The following PRKG1 variants were observed in gnomAD, a reference collection of about 807,000 sequenced individuals.
PRKG1 encodes the protein protein kinase cGMP-dependent 1.
A neutral mutation model predicts 88.1 loss-of-function variants in PRKG1; 35 were observed. That is an observed-to-expected ratio of 0.40 (90% CI 0.30 to 0.53). PRKG1 has a LOEUF of 0.53. Among genes scored for constraint, PRKG1 ranks in the 20% least tolerant of loss-of-function variants. The probability of loss-of-function intolerance (pLI) is 0.59; values close to 1 mark genes in which losing one functional copy is unlikely to be tolerated. For synonymous variants in PRKG1, 303 were observed against 292.5 expected (o/e 1.04, Z -0.37); for missense variants, 540 against 839.8 (o/e 0.64, Z 4.41).
chr10:51,359,785 A>G (rs536050705), intron 2 of PRKG1, among the ~76,000 whole-genome samples: 6 of 152,040 alleles, frequency 3.9e-5, no homozygotes, highest in Non-Finnish European at 2.9e-5. Context: ...GGAGGAATGA[A>G]TACACCAAAA....
intron 1 of PRKG1, among the ~76,000 whole-genome samples, chr10:51,099,413 T>A (rs201272000): frequency 2.0e-3 from 68 of 34,206 alleles, no homozygotes; most frequent in East Asian, 5.6e-3. Context: ...ACACACACAC[T>A]CACTCACTCA....
At chr10:52,187,342 C>A (rs1016844368) in intron 9 of PRKG1, among the ~76,000 whole-genome samples, 4 of 151,876 alleles carry the variant, frequency 2.6e-5, no homozygotes, top group Non-Finnish European at 5.9e-5. Flanking sequence ...TTTCATATAA[C>A]CCCTGAGTTA....
intron 1 of PRKG1, among the ~76,000 whole-genome samples, chr10:51,000,795 T>G (rs1217918716): frequency 6.6e-6 from 1 of 152,114 alleles, no homozygotes; most frequent in African/African-American, 2.4e-5. Context: ...GTAATGTCAA[T>G]AAGGGTACAC....
At chr10:51,262,136 T>A (rs1839727383) in intron 2 of PRKG1, among the ~76,000 whole-genome samples, 1 of 152,196 alleles carries the variant, frequency 6.6e-6, no homozygotes, top group South Asian at 2.1e-4. Flanking sequence ...TCCGCCCGCC[T>A]CGGCCTCCCA....
chr10:51,602,732 A>G (rs867279011), intron 3 of PRKG1, among the ~76,000 whole-genome samples: 1,401 of 128,894 alleles, frequency 0.011, 31 homozygotes, highest in African/African-American at 0.041. Flanking sequence ...ATTAATATAT[A>G]TGTGTGTGTG....
intron 7 of PRKG1, among the ~76,000 whole-genome samples, chr10:52,103,193 G>A (rs1847336574): frequency 6.6e-6 from 1 of 152,118 alleles, no homozygotes; most frequent in Admixed American, 6.6e-5. Context: ...ACCCATTCAT[G>A]GAAAAATTGT....
chr10:51,827,647 A>G (rs1000354697), intron 4 of PRKG1, among the ~76,000 whole-genome samples: 2 of 152,142 alleles, frequency 1.3e-5, no homozygotes, highest in Non-Finnish European at 2.9e-5. Context: ...AAAAAGATAC[A>G]TCATGATGAT....
chr10:51,465,054 A>G (rs1264605400), intron 2 of PRKG1, among the ~76,000 whole-genome samples: 1 of 152,182 alleles, frequency 6.6e-6, no homozygotes, highest in Non-Finnish European at 1.5e-5. Flanking sequence ...GTAAATTGAA[A>G]CCCATCAGTG....
chr10:51,008,590 A>G (rs1350255984), intron 1 of PRKG1, among the ~76,000 whole-genome samples: 2 of 152,116 alleles, frequency 1.3e-5, no homozygotes, highest in African/African-American at 4.8e-5. Flanking sequence ...CTCTGTGAGT[A>G]TGTGTGTCTA....
rs1250500955 is a variant in PRKG1, at chr10:52,293,963, C to A, written c.*63C>A. On this transcript the variant is annotated 3_prime_UTR_variant, in exon 18 of 18. Transcript: ENST00000373980. ...GCTTTTTCTGAGACACAGCTGCCAG[C>A]AAACCTGAGGGAAAGAGAGAAGATT... is the stretch of plus-strand genomic sequence containing the variant. 1.5e-6 allele frequency: 2 copies of A among 1,374,410 alleles called. No homozygotes were observed. The highest frequency in any genetic ancestry group is 1.4e-5 in the African/African-American group (1 of 69,426). 85.1% of individuals were successfully genotyped at this position (1,374,410 alleles called of 1,614,324 possible). A position where few individuals can be genotyped will look rare whatever the true frequency, so the allele number is the denominator to read the frequency against.
intron 2 of PRKG1, among the ~76,000 whole-genome samples, chr10:51,290,452 T>G (rs1485665892): frequency 6.6e-6 from 1 of 152,062 alleles, no homozygotes; most frequent in East Asian, 1.9e-4. Context: ...ATATATCAAT[T>G]TTTTATTCTA....
intron 3 of PRKG1, among the ~76,000 whole-genome samples, chr10:51,783,614 A>T (rs991073998): frequency 1.3e-5 from 2 of 152,062 alleles, no homozygotes; most frequent in African/African-American, 4.8e-5. Context: ...AATCCTGGAC[A>T]AGCAGCATTC....
rs1837977111 is a variant in PRKG1 at position 51,579,545 on chromosome 10, A to G, written c.592+111709A>G. Among the ~76,000 whole-genome samples the G allele has an allele frequency of 2.0e-5, 3 of 152,148 alleles. No individual in the cohort carries two copies. In the South Asian group the frequency reaches 6.2e-4, roughly 32 times the overall value. On this transcript the variant is annotated intron_variant, in intron 3 of 17. Coordinates refer to ENST00000373980, the MANE Select transcript of PRKG1 (RefSeq NM_006258.4). Reference sequence around the variant, plus strand: ...AAAAGTGAACATATCTTTTAACAAAATGTTATATCTTAATTATACCATATT... The same window carrying G: ...AAAAGTGAACATATCTTTTAACAAAGTGTTATATCTTAATTATACCATATT...
At chr10:51,116,270 C>T (rs1335199052) in intron 1 of PRKG1, among the ~76,000 whole-genome samples, 4 of 152,168 alleles carry the variant, frequency 2.6e-5, no homozygotes, top group African/African-American at 9.7e-5. Context: ...ATTATTTCAA[C>T]CATGCATTTC....
At chr10:51,844,057 T>G (rs1228803893) in intron 4 of PRKG1, among the ~76,000 whole-genome samples, 1 of 152,162 alleles carries the variant, frequency 6.6e-6, no homozygotes, top group Non-Finnish European at 1.5e-5. Flanking sequence ...TTTTCCTTAT[T>G]ATTCTCAGAA....
intron 3 of PRKG1, among the ~76,000 whole-genome samples, chr10:51,577,765 T>C (rs1404827288): frequency 6.6e-6 from 1 of 152,074 alleles, no homozygotes; most frequent in African/African-American, 2.4e-5. Flanking sequence ...TGGTTTTGAT[T>C]ACCTATGTTT....
At chr10:51,774,112 G>A (rs1290135485) in intron 3 of PRKG1, among the ~76,000 whole-genome samples, 1 of 151,882 alleles carries the variant, frequency 6.6e-6, no homozygotes, top group Non-Finnish European at 1.5e-5. Context: ...CTACTTTCTG[G>A]CCCTGTGATT....
intron 5 of PRKG1, among the ~76,000 whole-genome samples, chr10:51,999,249 C>T (rs769462744): frequency 2.0e-5 from 3 of 152,184 alleles, no homozygotes; most frequent in African/African-American, 7.2e-5. Flanking sequence ...CTTCCAAATA[C>T]AAGTTGAGGG....
intron 8 of PRKG1, among the ~76,000 whole-genome samples, chr10:52,134,503 T>C (rs12766089): frequency 0.33 from 50,550 of 151,954 alleles, 8,753 homozygotes; most frequent in African/African-American, 0.42. Context: ...ATTACCTGGA[T>C]GCTTTATAAG....
Sources: gnomAD v4.1 joint callset for allele counts (sites outside exome capture counted in the v4.1 genomes callset) on GRCh38, gnomAD v4.1.1 for gene constraint, MANE v1.5 for transcripts, NCBI Gene and HGNC (gene_info 2026-07-23, HGNC 2026-07-21) for gene names.